The following SPAG16 variants were observed in gnomAD, a reference collection of about 807,000 sequenced individuals.
SPAG16 encodes the protein sperm associated antigen 16, also known as sperm-associated antigen 16 protein.
Under a neutral mutation model 80.4 loss-of-function variants are expected in SPAG16, and 86 were observed. That is an observed-to-expected ratio of 1.07 (90% confidence interval 0.90 to 1.28). The LOEUF is 1.28. SPAG16 is among the 50% of genes most tolerant of loss of function. SPAG16 has a pLI of 0.00. For missense variants in SPAG16, 870 were observed against 765.3 expected (o/e 1.14, Z -1.61); for synonymous variants, 294 against 265.9 (o/e 1.11, Z -1.03).
chr2:213,582,948 A>C (rs567343335), intron 10 of SPAG16, among the ~76,000 whole-genome samples: 2 of 152,312 alleles, frequency 1.3e-5, no homozygotes, highest in South Asian at 4.1e-4. Flanking sequence ...TACAACCATA[A>C]CACAAATGTA....
intron 15 of SPAG16, among the ~76,000 whole-genome samples, chr2:214,187,233 C>T (rs13004882): frequency 0.3 from 45,636 of 151,990 alleles, 8,555 homozygotes; most frequent in Non-Finnish European, 0.42. Flanking sequence ...CACAAAGTTC[C>T]GGTATATTCC....
intron 15 of SPAG16, among the ~76,000 whole-genome samples, chr2:214,202,229 G>C (rs1052418858): frequency 7.9e-5 from 12 of 152,176 alleles, no homozygotes; most frequent in African/African-American, 2.9e-4. Flanking sequence ...TAGAAAGAAA[G>C]AGTTTAACTT....
At position 214,257,071 on chromosome 2, in the gene SPAG16, T is replaced by C. The variant is rs116067379; in HGVS notation, c.1720+107805T>C. 5.0e-3 allele frequency among the ~76,000 whole-genome samples: 765 copies of C among 152,062 alleles called. 5 individuals are homozygous for C. Among genetic ancestry groups the C allele is most frequent in the African/African-American group, 0.017 (724 of 41,556 alleles). ...TCATGACTTATTTAGTGTTCTTTAA[T>C]TTCTCTAAGCAATTTTTGTAGTTTT... is the stretch of plus-strand genomic sequence containing the variant. On this transcript the variant is annotated intron_variant, in intron 15 of 15. Transcript: ENST00000331683.
chr2:214,176,791 C>G (rs2057099529), intron 15 of SPAG16, among the ~76,000 whole-genome samples: 1 of 149,816 alleles, frequency 6.7e-6, no homozygotes, highest in Non-Finnish European at 1.5e-5. Flanking sequence ...TTAAGAGTCT[C>G]TAGTGGAATT....
chr2:213,564,527 C>G (rs1246481642), intron 10 of SPAG16, among the ~76,000 whole-genome samples: 1 of 148,964 alleles, frequency 6.7e-6, no homozygotes, highest in Non-Finnish European at 1.5e-5. Flanking sequence ...ATGTCATTAA[C>G]TTTTTAAGTC....
At chr2:214,059,795 C>T (rs2050161404) in intron 13 of SPAG16, among the ~76,000 whole-genome samples, 4 of 151,874 alleles carry the variant, frequency 2.6e-5, no homozygotes, top group Admixed American at 2.6e-4. Flanking sequence ...AGCCTTCACA[C>T]ATGGGGATAT....
intron 12 of SPAG16, among the ~76,000 whole-genome samples, chr2:213,934,931 G>T (rs1036247532): frequency 6.6e-5 from 10 of 152,118 alleles, no homozygotes; most frequent in African/African-American, 1.9e-4. Context: ...GGCCTGGTGC[G>T]GTGGCTCATG....
At chr2:214,361,282 T>C (rs973802905) in intron 15 of SPAG16, among the ~76,000 whole-genome samples, 2 of 151,882 alleles carry the variant, frequency 1.3e-5, no homozygotes, top group Non-Finnish European at 2.9e-5. Flanking sequence ...GTAAAAGCAC[T>C]GATGTGTGCT....
chr2:214,342,820 C>T (rs931842174), intron 15 of SPAG16, among the ~76,000 whole-genome samples: 2 of 152,142 alleles, frequency 1.3e-5, no homozygotes, highest in African/African-American at 4.8e-5. Context: ...TATTATTAAA[C>T]ATATTTATAC....
At chr2:213,702,641 G>A (rs1006857195) in intron 10 of SPAG16, among the ~76,000 whole-genome samples, 1 of 152,200 alleles carries the variant, frequency 6.6e-6, no homozygotes, top group Non-Finnish European at 1.5e-5. Flanking sequence ...TTCATCATAT[G>A]ATACTTCCAA....
chr2:213,435,898 A>C (rs1480493541), intron 9 of SPAG16, among the ~76,000 whole-genome samples: 2 of 152,120 alleles, frequency 1.3e-5, no homozygotes, highest in African/African-American at 2.4e-5. Flanking sequence ...CTATCTATAT[A>C]ATTTTGGACA....
At chr2:213,935,965 T>TATA (rs1348122063) in intron 12 of SPAG16, among the ~76,000 whole-genome samples, 1 of 152,120 alleles carries the variant, frequency 6.6e-6, no homozygotes, top group East Asian at 1.9e-4. Flanking sequence ...AATAATTACA[T>TATA]ATAATATTTA....
chr2:214,366,331 T>C (rs778255372), intron 15 of SPAG16, among the ~76,000 whole-genome samples: 5 of 152,182 alleles, frequency 3.3e-5, no homozygotes, highest in Non-Finnish European at 5.9e-5. Context: ...TGACTGATAC[T>C]GTGACTATGG....
chr2:213,383,154 G>C (rs1166175067), intron 9 of SPAG16, among the ~76,000 whole-genome samples: 1 of 152,030 alleles, frequency 6.6e-6, no homozygotes, highest in African/African-American at 2.4e-5. Flanking sequence ...TCTCTCTTTT[G>C]TTGGATCTGG....
chr2:213,949,704 C>G (rs967739777), intron 12 of SPAG16, among the ~76,000 whole-genome samples: 1 of 152,076 alleles, frequency 6.6e-6, no homozygotes, highest in African/African-American at 2.4e-5. Flanking sequence ...CCTACTTAGG[C>G]CTTCATTTTT....
chr2:213,752,624 G>A (rs2068127065), intron 10 of SPAG16, among the ~76,000 whole-genome samples: 1 of 152,136 alleles, frequency 6.6e-6, no homozygotes, highest in South Asian at 2.1e-4. Flanking sequence ...TTCTTTTACT[G>A]ACATTCCTCT....
intron 10 of SPAG16, among the ~76,000 whole-genome samples, chr2:213,572,642 G>T (rs1414878411): frequency 1.3e-5 from 2 of 152,090 alleles, no homozygotes; most frequent in African/African-American, 4.8e-5. Flanking sequence ...TCTCTTCAAA[G>T]CTGTCAGACA....
intron 8 of SPAG16, among the ~76,000 whole-genome samples, chr2:213,367,524 T>C: frequency 6.6e-6 from 1 of 152,302 alleles, no homozygotes; most frequent in Admixed American, 6.5e-5. Flanking sequence ...TGATTTGCAT[T>C]TCTCTGATGG....
In SPAG16 at chr2:214,041,986, A is replaced by G. The variant is rs1280263805; in HGVS notation, c.1527+27909A>G. On this transcript the variant is annotated intron_variant, in intron 13 of 15. Transcript: ENST00000331683. ...TTTGTGTGTCTGTGTGTGTATATAT[A>G]TATATATATATATATATATATACAC... 5.4e-3 allele frequency among the ~76,000 whole-genome samples: 634 copies of G among 118,412 alleles called. 8 individuals are homozygous for G. Among genetic ancestry groups the G allele is most frequent in the African/African-American group, 0.022 (579 of 26,916 alleles). 77.7% of individuals were successfully genotyped at this position (118,412 alleles called of 152,430 possible).
Sources: gnomAD v4.1 joint callset for allele counts (sites outside exome capture counted in the v4.1 genomes callset) on GRCh38, gnomAD v4.1.1 for gene constraint, MANE v1.5 for transcripts, NCBI Gene and HGNC (gene_info 2026-07-23, HGNC 2026-07-21) for gene names.